SRP68: variants seen among roughly 807,000 people sequenced by gnomAD.
SRP68 encodes signal recognition particle 68.
SRP68 carries 15 observed loss-of-function variants against 82.2 expected under a neutral mutation model. The ratio of observed to expected loss-of-function variants is 0.18; its 90% CI spans 0.12 to 0.28. The LOEUF (loss-of-function observed/expected upper bound fraction) is 0.28, where lower values mean the gene tolerates loss of function less well. SRP68 is among the 10% of genes least tolerant of loss of function. The probability of loss-of-function intolerance (pLI) is 1.00; values close to 1 mark genes in which losing one functional copy is unlikely to be tolerated. For missense variants in SRP68, 595 were observed against 780.5 expected, an observed-to-expected ratio of 0.76 and a Z score of 2.83; for synonymous variants, 261 against 292.6, an observed-to-expected ratio of 0.89 and a Z score of 1.10.
chr17:76,071,290 G>C lies in SRP68; in HGVS notation c.185-846C>G, dbSNP rs563964693. On this transcript the variant is annotated intron_variant, in intron 1 of 15. Transcript: ENST00000307877. This position sits in a 1 kb window ranked among gnomAD's most constrained non-coding sequence, Gnocchi z 4.7. ...GCTACAGTTTGCATAAAAGTATTAA[G>C]GTTTTTCTTTCAAAAGAAGAATGGC... Among the ~76,000 whole-genome samples the C allele has an allele frequency of 3.9e-5, 6 of 152,128 alleles. No individual in the cohort carries two copies. Among genetic ancestry groups the C allele is most frequent in the African/African-American group, 1.4e-4 (6 of 41,496 alleles).
chr17:76,038,913 T>C lies in SRP68; in HGVS notation c.*793A>G, dbSNP rs901232721. 5 of 156,224 alleles carry C rather than the reference T, an allele frequency of 3.2e-5. No homozygotes were observed. Among genetic ancestry groups the C allele is most frequent in the Admixed American group, 3.1e-4 (5 of 16,058 alleles). The allele number at this position is 156,224 out of a possible 1,614,324, so 9.7% of individuals were successfully genotyped here. A position where few individuals can be genotyped will look rare whatever the true frequency, so the allele number is the denominator to read the frequency against. ...GGGGGTAACGAAGGGGATTAAAATA[T>C]AATGGCATCTAAAAATTACACATTG... On this transcript the variant is annotated 3_prime_UTR_variant, in exon 16 of 16. Coordinates refer to ENST00000307877, the MANE Select transcript of SRP68 (RefSeq NM_014230.4).
At chr17:76,050,651 A>G in intron 8 of SRP68, 125 bp from the exon 9 acceptor site, 3 of 633,238 alleles carry the variant, frequency 4.7e-6, no homozygotes, top group South Asian at 3.5e-5. Flanking sequence ...GCCACACCAG[A>G]TATCATTTTA....
intron 5 of SRP68, 123 bp downstream of exon 5, chr17:76,061,369 A>G (rs1044169205): frequency 4.2e-5 from 42 of 995,972 alleles, no homozygotes; most frequent in African/African-American, 3.2e-5. Flanking sequence ...AGAATCATCA[A>G]CATTTCTATA....
At chr17:76,060,821 C>T (rs1454286974) in intron 6 of SRP68, 1 of 385,936 alleles carries the variant, frequency 2.6e-6, no homozygotes, top group African/African-American at 2.1e-5. Context: ...TTGCTGTGAA[C>T]CTAAAACTGC....
In SRP68 at chr17:76,060,347, C is replaced by T. The variant is rs1175030878; in HGVS notation, c.798G>A (p.Arg266=). Residue 266 remains arginine, a synonymous_variant, in exon 7 of 16, where the codon AGG becomes AGA. Transcript: ENST00000307877. ...AINELMQMRL[R]SGGTEGLLAE... is the part of the protein sequence containing the mutation. ...CCAAGAGACCCTCAGTGCCCCCAGA[C>T]CTCAATCTCATCTGCATGAGTTCAT... 6.2e-7 allele frequency: 1 copy of T among 1,611,822 alleles called. No individual in the cohort carries two copies.
At chr17:76,067,837 A>G (rs545457204) in intron 2 of SRP68, among the ~76,000 whole-genome samples, 1 of 152,334 alleles carries the variant, frequency 6.6e-6, no homozygotes, top group African/African-American at 2.4e-5. Flanking sequence ...AAAGAGATGG[A>G]GGACACAGTG....
intron 9 of SRP68, 135 bp from the exon 10 acceptor site, chr17:76,048,105 T>C: frequency 2.3e-6 from 1 of 425,832 alleles, no homozygotes; most frequent in Non-Finnish European, 4.3e-6. Flanking sequence ...TCCTCAAATA[T>C]CAAAGATCTA....
chr17:76,062,609 TATATA>T (rs1338035433), intron 4 of SRP68, among the ~76,000 whole-genome samples: 1 of 51,524 alleles, frequency 1.9e-5, no homozygotes, highest in Middle Eastern at 6.2e-3. Context: ...CATTATATAT[TATATA>T]ATATATAATA....
At chr17:76,053,526 C>T in intron 8 of SRP68, 2 of 985,428 alleles carry the variant, frequency 2.0e-6, no homozygotes, top group Middle Eastern at 5.2e-4. Context: ...CCACGTATCA[C>T]CTCTGCTCCC....
intron 2 of SRP68, among the ~76,000 whole-genome samples, chr17:76,068,407 G>C (rs1420800902): frequency 6.8e-6 from 1 of 147,082 alleles, no homozygotes. Context: ...AGTGAGCCGA[G>C]AACACGCCAT....
chr17:76,060,178 C>T, intron 7 of SRP68, 130 bp downstream of exon 7: 1 of 313,660 alleles, frequency 3.2e-6, no homozygotes, highest in Non-Finnish European at 5.6e-6. Flanking sequence ...AAACTTTTAG[C>T]AAATGTAGAT....
At chr17:76,068,955 G>A (rs1406546084) in intron 2 of SRP68, among the ~76,000 whole-genome samples, 1 of 150,900 alleles carries the variant, frequency 6.6e-6, no homozygotes, top group East Asian at 1.9e-4. Flanking sequence ...CTAATATGCA[G>A]ATGTTCAATA....
chr17:76,060,701 G>C (rs2066746658), intron 6 of SRP68: 1 of 358,536 alleles, frequency 2.8e-6, no homozygotes, highest in African/African-American at 2.1e-5. Context: ...GTCTATAAAG[G>C]GCCATCAATT....
chr17:76,069,222 T>G (rs1197118914), intron 2 of SRP68, among the ~76,000 whole-genome samples: 1 of 150,608 alleles, frequency 6.6e-6, no homozygotes, highest in African/African-American at 2.4e-5. Flanking sequence ...ACCCCATCTC[T>G]ACTAAAAATA....
At position 76,072,244 on chromosome 17, in the gene SRP68, C is replaced by T; in HGVS notation, c.184+64G>A. The T allele has an allele frequency of 6.3e-7, 1 of 1,599,884 alleles. No individual in the cohort carries two copies. Among genetic ancestry groups the T allele is most frequent in the Non-Finnish European group, 8.5e-7 (1 of 1,176,052 alleles). ...GACTTGTCGGGACCCGCCGCCTCTC[C>T]CGCCCCCAGCCCTCCAGTTCGACAC... On this transcript the variant is annotated intron_variant, in intron 1 of 15. Transcript: ENST00000307877. The surrounding 1 kb of genome is among the most constrained non-coding windows in gnomAD (Gnocchi z 4.5).
chr17:76,051,863 A>G (rs909955842), intron 8 of SRP68, among the ~76,000 whole-genome samples: 7 of 152,308 alleles, frequency 4.6e-5, no homozygotes, highest in African/African-American at 1.4e-4. Context: ...GCACCGTCCA[A>G]TGAACACCTG....
At chr17:76,045,465 G>A (rs373949266) in intron 11 of SRP68, 79 bp from the exon 12 acceptor site, 28 of 1,100,780 alleles carry the variant, frequency 2.5e-5, no homozygotes, top group Middle Eastern at 3.0e-4. Flanking sequence ...TTGTAAGAAC[G>A]GACAAGAGTG....
intron 8 of SRP68, among the ~76,000 whole-genome samples, chr17:76,054,663 A>G (rs1353775086): frequency 6.6e-6 from 1 of 151,924 alleles, no homozygotes; most frequent in Non-Finnish European, 1.5e-5. Flanking sequence ...ACCTACTAAA[A>G]ATACAAAAAA....
chr17:76,055,247 G>A (rs981016968), intron 8 of SRP68, among the ~76,000 whole-genome samples: 2 of 152,024 alleles, frequency 1.3e-5, no homozygotes, highest in South Asian at 4.1e-4. Context: ...AATTACAGGC[G>A]TGAGCCACCG....
Sources: gnomAD v4.1 joint callset for allele counts (sites outside exome capture counted in the v4.1 genomes callset) on GRCh38, gnomAD v4.1.1 for gene constraint, Gnocchi (gnomAD v3.1) non-coding constraint, MANE v1.5 for transcripts, NCBI Gene and HGNC (gene_info 2026-07-23, HGNC 2026-07-21) for gene names.